The following HHIPL2 variants were observed in gnomAD, a reference collection of about 807,000 sequenced individuals.
HHIPL2 encodes the protein HHIP like 2, also known as HHIP-like protein 2.
A neutral mutation model predicts 61.0 loss-of-function variants in HHIPL2; 61 were observed. The ratio of observed to expected loss-of-function variants is 1.00; its 90% CI spans 0.81 to 1.24. HHIPL2 has a LOEUF of 1.24. HHIPL2 is among the 50% of genes most tolerant of loss of function. The probability of loss-of-function intolerance (pLI) is 0.00; values close to 1 mark genes in which losing one functional copy is unlikely to be tolerated. For missense variants in HHIPL2, 885 were observed against 910.2 expected, an observed-to-expected ratio of 0.97 and a Z score of 0.36; for synonymous variants, 343 against 357.4, an observed-to-expected ratio of 0.96 and a Z score of 0.45.
In HHIPL2 at chr1:222,542,165, A is replaced by C. The variant is rs753107570; in HGVS notation, c.975-10T>G. Reference sequence around the variant, plus strand: ...AATCTCCAAGATGACCCTGGAAGAGAAAAAAGAAACCACACGTTAGGATTT... The same window carrying C: ...AATCTCCAAGATGACCCTGGAAGAGCAAAAAGAAACCACACGTTAGGATTT... On this transcript the variant is annotated splice_polypyrimidine_tract_variant and intron_variant, in intron 2 of 8. Coordinates refer to ENST00000343410, the MANE Select transcript of HHIPL2 (RefSeq NM_024746.4). The C allele has an allele frequency of 6.2e-7, 1 of 1,610,834 alleles. No individual in the cohort carries two copies. Among genetic ancestry groups the C allele is most frequent in the Non-Finnish European group, 8.5e-7 (1 of 1,179,248 alleles).
chr1:222,541,055 G>T (rs1191677354), intron 3 of HHIPL2, among the ~76,000 whole-genome samples: 1 of 152,186 alleles, frequency 6.6e-6, no homozygotes, highest in Non-Finnish European at 1.5e-5. Flanking sequence ...AGGCAATACA[G>T]TGAGGCCCCA....
intron 7 of HHIPL2, among the ~76,000 whole-genome samples, chr1:222,524,441 C>T (rs1571762195): frequency 6.6e-6 from 1 of 152,228 alleles, no homozygotes; most frequent in Non-Finnish European, 1.5e-5. Flanking sequence ...AAAACACTTA[C>T]GTAGTGCTTA....
At position 222,538,740 on chromosome 1, in the gene HHIPL2, T is replaced by C; in HGVS notation, c.1485A>G (p.Ala495=). The change falls in exon 5 of 9, where the codon GCA becomes GCG. Residue 495 remains alanine, a synonymous_variant. Coordinates refer to ENST00000343410, the MANE Select transcript of HHIPL2 (RefSeq NM_024746.4). ...DVLPIYAYGH[A]VGKSVTGGYV... ...AACCTCCAGTGACTGACTTCCCCAC[T>C]GCATGGCCATAAGCATAGATTGGCA... 3.1e-6 allele frequency: 5 copies of C among 1,614,090 alleles called. No homozygotes were observed. Among genetic ancestry groups the C allele is most frequent in the African/African-American group, 1.3e-5 (1 of 75,048 alleles).
At position 222,547,808 on chromosome 1, in the gene HHIPL2, AGCG is replaced by A; in HGVS notation, c.234_236del (p.Ala80del). ...ATTCCATGATGTCCCAGTACCGGGC[AGCG>A]ATGCGGCGGTCCTTGTGCTGATCAC... is the stretch of plus-strand genomic sequence containing the variant. On this transcript the variant is annotated inframe_deletion, in exon 1 of 9. Coordinates refer to ENST00000343410, the MANE Select transcript of HHIPL2 (RefSeq NM_024746.4). 6.2e-7 allele frequency: 1 copy of A among 1,614,220 alleles called. No homozygotes were observed. Among genetic ancestry groups the A allele is most frequent in the Non-Finnish European group, 8.5e-7 (1 of 1,180,040 alleles).
intron 1 of HHIPL2, among the ~76,000 whole-genome samples, chr1:222,546,603 T>C (rs538606447): frequency 6.6e-6 from 1 of 152,322 alleles, no homozygotes; most frequent in East Asian, 1.9e-4. Context: ...GAAATAAACA[T>C]TCTCAGTGCT....
In HHIPL2 at chr1:222,522,658, G is replaced by A; in HGVS notation, c.2118C>T (p.His706=). Reference sequence around the variant, plus strand: ...CTGCTGATGGCCTCATCCTGCCACTGTGGCTTTTCAGGCTCTTCCTCCTCT... The same window carrying A: ...CTGCTGATGGCCTCATCCTGCCACTATGGCTTTTCAGGCTCTTCCTCCTCT... ...QGKRRKSLKS[H]SGRMRPSAEQ... The change falls in exon 9 of 9, where the codon CAC becomes CAT. Residue 706 remains histidine, a synonymous_variant. Transcript: ENST00000343410. 1.2e-6 allele frequency: 2 copies of A among 1,614,212 alleles called. No individual in the cohort carries two copies. The highest frequency in any genetic ancestry group is 1.7e-6 in the Non-Finnish European group (2 of 1,180,046).
At chr1:222,534,584 A>AT (rs534190296) in intron 5 of HHIPL2, among the ~76,000 whole-genome samples, 38,400 of 147,124 alleles carry the variant, frequency 0.26, 5,388 homozygotes, top group Non-Finnish European at 0.29. Context: ...CTCTAAAAAA[A>AT]AAAAAAAAAA....
intron 2 of HHIPL2, among the ~76,000 whole-genome samples, chr1:222,543,127 C>T (rs1659471267): frequency 6.6e-6 from 1 of 152,234 alleles, no homozygotes; most frequent in Admixed American, 6.5e-5. Context: ...GCATCCATAG[C>T]TTGATGGCCT....
rs766764303 is a variant in HHIPL2, at chr1:222,543,601, T to C, written c.910A>G (p.Ile304Val). The stretch of plus-strand genomic sequence containing the variant: ...GAAACCTTCATCTCACTAATTCGGA[T>C]CTTTTCTACCTTCTTCTTGTCCAGG... ...SCLDKKKVEKIRISEMKVSRA... is the reference protein window; with the variant it reads ...SCLDKKKVEKVRISEMKVSRA... The change falls in exon 2 of 9, where the codon ATC becomes GTC. Residue 304 changes from isoleucine to valine, a missense_variant. Transcript: ENST00000343410. The C allele has an allele frequency of 5.0e-6, 8 of 1,614,072 alleles. No homozygotes were observed. The highest frequency in any genetic ancestry group is 5.9e-6 in the Non-Finnish European group (7 of 1,180,050).
chr1:222,543,980 C>G lies in HHIPL2; in HGVS notation c.531G>C (p.Lys177Asn), dbSNP rs756633456. The change falls in exon 2 of 9, where the codon AAG (lysine) becomes AAC (asparagine). Residue 177 changes from lysine to asparagine, a missense_variant. Physicochemically the swap from Lys to Asn is moderately conservative, Grantham distance 94. Coordinates refer to ENST00000343410, the MANE Select transcript of HHIPL2 (RefSeq NM_024746.4). Reference sequence around the variant, plus strand: ...TCAGGACATTAGGGAAGCAATAGTCCTTGTCAGGAAGGTCCAGGAGGTGGC... The same window carrying G: ...TCAGGACATTAGGGAAGCAATAGTCGTTGTCAGGAAGGTCCAGGAGGTGGC... ...RFCHLLDLPD[K>N]DYCFPNVLRN... is the part of the protein sequence containing the mutation. 1 of 1,614,180 alleles carries G rather than the reference C, an allele frequency of 6.2e-7. No homozygotes were observed. Among genetic ancestry groups the G allele is most frequent in the Non-Finnish European group, 8.5e-7 (1 of 1,180,046 alleles).
Position 222,547,704 on chromosome 1 carries a change from T to A in HHIPL2, c.321+20A>T, listed in dbSNP as rs758834590. 7 of 1,603,000 alleles carry A rather than the reference T, an allele frequency of 4.4e-6. No homozygotes were observed. The Admixed American group carries it at 6.7e-5, about 15-fold the overall frequency. On this transcript the variant is annotated intron_variant, in intron 1 of 8. Coordinates refer to ENST00000343410, the MANE Select transcript of HHIPL2 (RefSeq NM_024746.4). ...AGCCCAGCACCCAAACCCCTGGGGC[T>A]GGAAGGCACTTTTCACTACCTGGCA...
rs750076975 is a variant in HHIPL2 at position 222,542,051 on chromosome 1, G to C, written c.1079C>G (p.Ala360Gly). The change falls in exon 3 of 9, where the codon GCT becomes GGT. Residue 360 changes from alanine (A) to glycine (G), a missense_variant. Ala to Gly is a moderately conservative substitution (Grantham distance 60, BLOSUM62 0). Transcript: ENST00000343410. ...TCCAAACAGGCCAAAGGGATCTCCA[G>C]CCTGTCCCCCGTCCCCAGTGAATAT... is the stretch of plus-strand genomic sequence containing the variant. ...MYIFTGDGGQ[A>G]GDPFGLFGNA... 2.5e-6 allele frequency: 4 copies of C among 1,613,776 alleles called. No homozygotes were observed. The South Asian group carries it at 4.4e-5, about 18-fold the overall frequency.
chr1:222,541,536 A>G (rs980898207), intron 3 of HHIPL2, among the ~76,000 whole-genome samples: 25 of 152,208 alleles, frequency 1.6e-4, no homozygotes, highest in Admixed American at 1.6e-3. Flanking sequence ...TAGATATTAG[A>G]TATAAATTCT....
rs141478102 is a variant in HHIPL2, at chr1:222,540,160, G to A, written c.1300C>T (p.Arg434Cys). 2,017 of 1,614,234 alleles carry A rather than the reference G, an allele frequency of 1.2e-3. 20 individuals are homozygous for A. The highest frequency in any genetic ancestry group is 9.5e-3 in the South Asian group (864 of 91,076). Residue 434 changes from arginine to cysteine, a missense_variant, in exon 4 of 9, where the codon CGC (arginine) becomes TGC (cysteine). Physicochemically the swap from Arg to Cys is radical, Grantham distance 180 (BLOSUM62 -3). Transcript: ENST00000343410. ...CAGAATATCCGGCCTCGGCCCTGGC[G>A]CGTGATGGGGTCCCCTCGGTCCACA... is the stretch of plus-strand genomic sequence containing the variant. ...CAVDRGDPIT[R>C]QGRGRIFCGD...
At chr1:222,527,328 C>T (rs1659091176) in intron 6 of HHIPL2, among the ~76,000 whole-genome samples, 1 of 152,142 alleles carries the variant, frequency 6.6e-6, no homozygotes, top group Non-Finnish European at 1.5e-5. Context: ...CAGGTTTCCC[C>T]CTTATCACCT....
rs1220057946 is a variant in HHIPL2, at chr1:222,547,959, A to G, written c.86T>C (p.Leu29Pro). The change falls in exon 1 of 9, where the codon CTC becomes CCC. Residue 29 changes from leucine to proline, a missense_variant. By Grantham distance (98) the Leu-to-Pro change is moderately conservative. Coordinates refer to ENST00000343410, the MANE Select transcript of HHIPL2 (RefSeq NM_024746.4). ...WLSSGILCLC[L>P]IFLLGQVGLL... is the part of the protein sequence containing the mutation. ...GCCCACCTGGCCCAACAAGAATATG[A>G]GGCAGAGGCAGAGAATGCCAGAAGA... 1 of 1,612,328 alleles carries G rather than the reference A, an allele frequency of 6.2e-7. No homozygotes were observed. Among genetic ancestry groups the G allele is most frequent in the Non-Finnish European group, 8.5e-7 (1 of 1,178,736 alleles).
chr1:222,538,683 G>A lies in HHIPL2; in HGVS notation c.1542C>T (p.Leu514=), dbSNP rs953632859. The A allele has an allele frequency of 6.2e-7, 1 of 1,613,886 alleles. No individual in the cohort carries two copies. Among genetic ancestry groups the A allele is most frequent in the Non-Finnish European group, 8.5e-7 (1 of 1,179,762 alleles). The change falls in exon 5 of 9, where the codon CTC becomes CTT. Residue 514 remains leucine (L), a synonymous_variant. Transcript: ENST00000343410. ...AGTCTCCAAAGATATACAGGCCATT[G>A]AGATTTGGGGATTCACAACCACGAT... The part of the protein sequence containing the change: ...YVYRGCESPN[L]NGLYIFGDFM...
intron 7 of HHIPL2, among the ~76,000 whole-genome samples, chr1:222,526,699 C>T (rs1659073967): frequency 7.9e-6 from 1 of 127,344 alleles, no homozygotes; most frequent in Non-Finnish European, 1.6e-5. Context: ...GAGTGAAACT[C>T]CATCTCAAAA....
chr1:222,533,927 TC>T (rs1659244796), intron 5 of HHIPL2, among the ~76,000 whole-genome samples: 1 of 152,084 alleles, frequency 6.6e-6, no homozygotes, highest in Non-Finnish European at 1.5e-5. Flanking sequence ...TGCAAAAGGT[TC>T]CCCTGAAGTA....
Sources: gnomAD v4.1 joint callset for allele counts (sites outside exome capture counted in the v4.1 genomes callset) on GRCh38, gnomAD v4.1.1 for gene constraint, MANE v1.5 for transcripts, NCBI Gene and HGNC (gene_info 2026-07-23, HGNC 2026-07-21) for gene names.